The following VPS13C variants were observed in gnomAD, a reference collection of about 807,000 sequenced individuals.
VPS13C encodes the protein intermembrane lipid transfer protein VPS13C.
Under a neutral mutation model 456.8 loss-of-function variants are expected in VPS13C, and 358 were observed. The ratio of observed to expected loss-of-function variants is 0.78; its 90% CI spans 0.72 to 0.86. The LOEUF is 0.86. Among genes scored for constraint, VPS13C ranks in the 40% least tolerant of loss-of-function variants. The probability of loss-of-function intolerance (pLI) is 0.00; values close to 1 mark genes in which losing one functional copy is unlikely to be tolerated. For synonymous variants in VPS13C, 1,578 were observed against 1,486.7 expected (o/e 1.06, Z -1.41); for missense variants, 4,818 against 4,385.4 (o/e 1.10, Z -2.79).
At chr15:61,967,271 C>A (rs2045406232) in intron 29 of VPS13C, 97 bp downstream of exon 29, 4 of 979,436 alleles carry the variant, frequency 4.1e-6, no homozygotes, top group Non-Finnish European at 6.1e-6. Flanking sequence ...AACTGTGATA[C>A]ACATCCAGAG....
intron 27 of VPS13C, among the ~76,000 whole-genome samples, chr15:61,970,355 C>T (rs552965635): frequency 6.6e-6 from 1 of 152,090 alleles, no homozygotes; most frequent in Non-Finnish European, 1.5e-5. Flanking sequence ...AACCCACAAA[C>T]CTGTAAGCAA....
At position 61,913,390 on chromosome 15, in the gene VPS13C, G is replaced by C; in HGVS notation, c.8471C>G (p.Ala2824Gly). The C allele has an allele frequency of 1.9e-6, 3 of 1,613,978 alleles. No individual in the cohort carries two copies. Among genetic ancestry groups the C allele is most frequent in the Non-Finnish European group, 2.5e-6 (3 of 1,179,920 alleles). Residue 2824 changes from alanine to glycine, a missense_variant, in exon 62 of 85, where the codon GCC (alanine) becomes GGC (glycine). Ala to Gly is a moderately conservative substitution (Grantham distance 60). Coordinates refer to ENST00000644861, the MANE Select transcript of VPS13C (RefSeq NM_020821.3). ...NKVQLKISTSAWSSSFSLDTV... is the reference protein window; with the variant it reads ...NKVQLKISTSGWSSSFSLDTV... Reference sequence around the variant, plus strand: ...ATCCAATGAGAAACTACTGGACCAGGCACTGGTTGAAATTTTTAATTGTAC... The same window carrying C: ...ATCCAATGAGAAACTACTGGACCAGCCACTGGTTGAAATTTTTAATTGTAC...
rs60910951 is a variant in VPS13C, at chr15:61,914,878, T to TAAAAAAAAAAAAA, written c.8445+742_8445+754dup. ...ACCGAGCCTGGCCAAAACTCTGCCT[T>TAAAAAAAAAAAAA]AAAAAAAAAAAAAAAAAAAAAAAAA... On this transcript the variant is annotated intron_variant, in intron 61 of 84. Transcript: ENST00000644861. Among the ~76,000 whole-genome samples, 44 of 102,052 alleles carry TAAAAAAAAAAAAA rather than the reference T, an allele frequency of 4.3e-4. 4 individuals carry two copies. Among genetic ancestry groups the TAAAAAAAAAAAAA allele is most frequent in the South Asian group, 1.0e-3 (3 of 3,012 alleles). 67.0% of individuals were successfully genotyped at this position (102,052 alleles called of 152,430 possible). A position where few individuals can be genotyped will look rare whatever the true frequency, so the allele number is the denominator to read the frequency against.
chr15:61,864,996 GT>G, intron 81 of VPS13C: 3 of 984,354 alleles, frequency 3.0e-6, no homozygotes, highest in Non-Finnish European at 3.6e-6. Flanking sequence ...GCCATTGACA[GT>G]TTTTAAAATA....
chr15:61,995,688 A>AT (rs2046360978), intron 16 of VPS13C, among the ~76,000 whole-genome samples: 1 of 152,210 alleles, frequency 6.6e-6, no homozygotes, highest in Non-Finnish European at 1.5e-5. Flanking sequence ...GGAGCCTTCC[A>AT]TCCCACAGCC....
chr15:61,981,501 C>A, intron 21 of VPS13C, 23 bp from the exon 22 acceptor site: 3 of 1,554,856 alleles, frequency 1.9e-6, no homozygotes, highest in Non-Finnish European at 1.7e-6. Context: ...GAAATAATGA[C>A]AGATTAGATG....
At chr15:62,040,723 T>C (rs999752489) in intron 3 of VPS13C, among the ~76,000 whole-genome samples, 1 of 151,868 alleles carries the variant, frequency 6.6e-6, no homozygotes, top group African/African-American at 2.4e-5. Flanking sequence ...AATGTATAAA[T>C]TAAATAAATA....
intron 9 of VPS13C, among the ~76,000 whole-genome samples, chr15:62,017,718 G>A (rs1207475675): frequency 7.2e-5 from 11 of 152,154 alleles, no homozygotes; most frequent in African/African-American, 9.6e-5. Context: ...GTCAGGTAGC[G>A]TGATGCCTCC....
At chr15:62,037,236 AAATATATATAATAT>A (rs2048038560) in intron 3 of VPS13C, among the ~76,000 whole-genome samples, 1 of 57,738 alleles carries the variant, frequency 1.7e-5, no homozygotes, top group African/African-American at 7.1e-5. Flanking sequence ...TATTATATAT[AAATATATATAATAT>A]ATTTATATAT....
intron 18 of VPS13C, among the ~76,000 whole-genome samples, chr15:61,986,776 G>C (rs553547303): frequency 6.6e-6 from 1 of 151,982 alleles, no homozygotes; most frequent in Non-Finnish European, 1.5e-5. Context: ...AAGTGATACC[G>C]TAAGACTAAC....
In VPS13C at chr15:61,856,367, C is replaced by A. The variant is rs1428195302; in HGVS notation, c.10995G>T (p.Met3665Ile). The A allele has an allele frequency of 6.2e-7, 1 of 1,613,316 alleles. No individual in the cohort carries two copies. Among genetic ancestry groups the A allele is most frequent in the Admixed American group, 1.7e-5 (1 of 59,962 alleles). Residue 3665 changes from methionine (M) to isoleucine (I), a missense_variant, in exon 83 of 85, where the codon ATG (methionine) becomes ATT (isoleucine). Physicochemically the swap from Met to Ile is conservative, Grantham distance 10. This residue lies in a region of VPS13C where 261 missense variants were observed against 234.1 expected (regional missense o/e 1.11). Transcript: ENST00000644861. ...CAAATGGACATTGCCAGTCTACACA[C>A]ATAAGGCCCAGGATTTCAACTTCCT... ...CIKEVEILGL[M>I]CVDWQCPFED...
rs369091486 is a variant in VPS13C, at chr15:62,013,988, G to T, written c.689C>A (p.Ala230Glu). ...TATGCATGGAGTCCAGTGTTCATTTGCAGTCTAAAAGAAAAAAGGGAATAC... is the reference window on the plus strand; with the variant it reads ...TATGCATGGAGTCCAGTGTTCATTTTCAGTCTAAAAGAAAAAAGGGAATAC... ...VTLGELSLLT[A>E]NEHWTPCILN... The change falls in exon 10 of 85, where the codon GCA becomes GAA. Residue 230 changes from alanine (A) to glutamate (E), a missense_variant. By Grantham distance (107) the Ala-to-Glu change is moderately radical. This residue lies in a region of VPS13C where 4,552 missense variants were observed against 4,130.6 expected (regional missense o/e 1.10). Transcript: ENST00000644861. 4.3e-5 allele frequency: 69 copies of T among 1,608,976 alleles called. No homozygotes were observed. The highest frequency in any genetic ancestry group is 5.7e-5 in the Non-Finnish European group (67 of 1,176,964).
chr15:61,924,525 A>G (rs549386170), intron 53 of VPS13C, among the ~76,000 whole-genome samples: 8 of 152,330 alleles, frequency 5.3e-5, no homozygotes, highest in Middle Eastern at 3.4e-3. Context: ...TTTTGAATCA[A>G]TCATAAATTT....
chr15:62,039,086 G>A (rs528030685), intron 3 of VPS13C, among the ~76,000 whole-genome samples: 1 of 152,130 alleles, frequency 6.6e-6, no homozygotes, highest in Non-Finnish European at 1.5e-5. Flanking sequence ...TCCCACTACT[G>A]AGTACCTAAA....
At position 61,958,727 on chromosome 15, in the gene VPS13C, T is replaced by C; in HGVS notation, c.4057-11A>G. On this transcript the variant is annotated splice_polypyrimidine_tract_variant and intron_variant, in intron 36 of 84. Coordinates refer to ENST00000644861, the MANE Select transcript of VPS13C (RefSeq NM_020821.3). ...TTGATTTAGACTAACCTGTAAAATATTATGTTAAAAAAAAAACTATATTAC... is the reference window on the plus strand; with the variant it reads ...TTGATTTAGACTAACCTGTAAAATACTATGTTAAAAAAAAAACTATATTAC... 1.4e-6 allele frequency: 2 copies of C among 1,382,270 alleles called. No homozygotes were observed. Among genetic ancestry groups the C allele is most frequent in the Non-Finnish European group, 2.0e-6 (2 of 1,021,926 alleles). The allele number at this position is 1,382,270 out of a possible 1,614,324, so 85.6% of individuals were successfully genotyped here. A position where few individuals can be genotyped will look rare whatever the true frequency, so the allele number is the denominator to read the frequency against.
chr15:61,921,687 G>T (rs1244280032), intron 55 of VPS13C, among the ~76,000 whole-genome samples: 1 of 151,970 alleles, frequency 6.6e-6, no homozygotes, highest in Non-Finnish European at 1.5e-5. Context: ...CTGCCTTAAG[G>T]GAAGACAGAT....
intron 39 of VPS13C, 131 bp downstream of exon 39, chr15:61,951,693 T>C: frequency 1.0e-6 from 1 of 975,848 alleles, no homozygotes; most frequent in Non-Finnish European, 1.4e-6. Context: ...CCAGGGACTG[T>C]TTTTGAAAAG....
At chr15:61,950,092 C>A (rs1003270409) in intron 41 of VPS13C, among the ~76,000 whole-genome samples, 3 of 152,108 alleles carry the variant, frequency 2.0e-5, no homozygotes, top group Non-Finnish European at 4.4e-5. Context: ...AAATGAGTAA[C>A]AAAATTCCCT....
chr15:61,911,031 T>C (rs1364400668), intron 63 of VPS13C, among the ~76,000 whole-genome samples: 1 of 152,218 alleles, frequency 6.6e-6, no homozygotes, highest in African/African-American at 2.4e-5. Context: ...TTTATTTATA[T>C]TGTAATTGGA....
Sources: allele counts gnomAD v4.1 joint callset (sites outside exome capture counted in the v4.1 genomes callset), GRCh38; gene constraint gnomAD v4.1.1; regional missense constraint gnomAD v4.1.1; transcripts MANE v1.5; gene names NCBI Gene and HGNC (gene_info 2026-07-23, HGNC 2026-07-21).